TSHZ2: variants seen among roughly 807,000 people sequenced by gnomAD.
The protein encoded by TSHZ2 is teashirt zinc finger homeobox 2.
Under a neutral mutation model 74.4 loss-of-function variants are expected in TSHZ2, and 21 were observed. That is an observed-to-expected ratio of 0.28 (90% CI 0.20 to 0.41). TSHZ2 has a LOEUF of 0.41. Ranked by LOEUF, TSHZ2 falls within the 10% of genes least tolerant of loss-of-function variation. The pLI is 1.00. For missense variants in TSHZ2, 1,244 were observed against 1,293.5 expected (o/e 0.96, Z 0.59); for synonymous variants, 540 against 515.3 (o/e 1.05, Z -0.65).
chr20:53,441,645 C>A (rs888534128), intron 2 of TSHZ2, among the ~76,000 whole-genome samples: 2 of 151,856 alleles, frequency 1.3e-5, no homozygotes, highest in East Asian at 1.9e-4. Flanking sequence ...TGTAGTAGTG[C>A]GATCTCAGCT....
intron 2 of TSHZ2, among the ~76,000 whole-genome samples, chr20:53,320,367 A>G (rs1264034178): frequency 2.0e-5 from 3 of 152,154 alleles, no homozygotes; most frequent in African/African-American, 7.2e-5. Flanking sequence ...TAGAAACACT[A>G]TGTTTCCCAT....
At chr20:53,378,832 G>A (rs1431217077) in intron 2 of TSHZ2, among the ~76,000 whole-genome samples, 1 of 152,084 alleles carries the variant, frequency 6.6e-6, no homozygotes, top group African/African-American at 2.4e-5. Context: ...TTTTTTAAAA[G>A]TCAGTTGATG....
chr20:53,076,255 C>A (rs1289272386), intron 1 of TSHZ2, among the ~76,000 whole-genome samples: 1 of 152,092 alleles, frequency 6.6e-6, no homozygotes, highest in Non-Finnish European at 1.5e-5. Flanking sequence ...TGGATGACAG[C>A]AGAAAGGATG....
chr20:53,347,771 G>A (rs555532456), intron 2 of TSHZ2, among the ~76,000 whole-genome samples: 32 of 152,202 alleles, frequency 2.1e-4, no homozygotes, highest in Non-Finnish European at 3.7e-4. Context: ...CCCAGAATCC[G>A]TTAGCTATTC....
chr20:53,019,548 G>A (rs1053217944), intron 1 of TSHZ2, among the ~76,000 whole-genome samples: 2 of 152,126 alleles, frequency 1.3e-5, no homozygotes, highest in Non-Finnish European at 2.9e-5. Flanking sequence ...AATGTCCAGA[G>A]GTGGTGCCTG....
chr20:53,255,482 C>A lies in TSHZ2; in HGVS notation c.2024C>A (p.Ala675Asp). Reference sequence around the variant, plus strand: ...CCCCAGCCCCTGGAGCCCACATCTGCTCTGAGCAATGGGTGCGCCCTCGCC... The same window carrying A: ...CCCCAGCCCCTGGAGCCCACATCTGATCTGAGCAATGGGTGCGCCCTCGCC... ...EKPQPLEPTS[A>D]LSNGCALANH... Residue 675 changes from alanine (A) to aspartate (D), a missense_variant, in exon 2 of 3, where the codon GCT becomes GAT. By Grantham distance (126) the Ala-to-Asp change is moderately radical (BLOSUM62 -2). Around this residue, in one of 6 missense-constraint regions of TSHZ2, gnomAD observed 562 missense variants for 544.0 expected, o/e 1.03. Transcript: ENST00000371497. This position sits in a 1 kb window ranked among gnomAD's most constrained non-coding sequence, Gnocchi z 4.1. 6.2e-7 allele frequency: 1 copy of A among 1,605,318 alleles called. No homozygotes were observed. Among genetic ancestry groups the A allele is most frequent in the Admixed American group, 1.7e-5 (1 of 58,788 alleles).
chr20:53,040,794 T>TG (rs1984012361), intron 1 of TSHZ2, among the ~76,000 whole-genome samples: 2 of 152,142 alleles, frequency 1.3e-5, no homozygotes, highest in Non-Finnish European at 2.9e-5. Flanking sequence ...GATCCCACAG[T>TG]GGGGCCCAGG....
intron 2 of TSHZ2, among the ~76,000 whole-genome samples, chr20:53,462,092 AAAAG>A (rs1003136196): frequency 6.6e-6 from 1 of 152,006 alleles, no homozygotes; most frequent in East Asian, 1.9e-4. Context: ...AAAAAAGAAA[AAAAG>A]AAAAAAAACT....
At chr20:53,160,186 G>A (rs1987895738) in intron 1 of TSHZ2, among the ~76,000 whole-genome samples, 1 of 152,110 alleles carries the variant, frequency 6.6e-6, no homozygotes, top group Non-Finnish European at 1.5e-5. Context: ...TGGGGAGGCA[G>A]GTATCTCTGA....
At chr20:53,039,584 A>G (rs1983960523) in intron 1 of TSHZ2, among the ~76,000 whole-genome samples, 1 of 152,166 alleles carries the variant, frequency 6.6e-6, no homozygotes, top group African/African-American at 2.4e-5. Flanking sequence ...AAGAGTGAAT[A>G]GTTGGTCAAC....
At chr20:53,211,409 A>G (rs1230329885) in intron 1 of TSHZ2, among the ~76,000 whole-genome samples, 5 of 152,168 alleles carry the variant, frequency 3.3e-5, no homozygotes, top group Non-Finnish European at 7.4e-5. Flanking sequence ...GAAATGTTTT[A>G]CTTTATTTTA....
chr20:53,318,503 T>C (rs1424068264), intron 2 of TSHZ2, among the ~76,000 whole-genome samples: 1 of 152,170 alleles, frequency 6.6e-6, no homozygotes, highest in Non-Finnish European at 1.5e-5. Context: ...AGTGGCAGCA[T>C]ATCACTCCCA....
chr20:53,088,617 T>G (rs932570461), intron 1 of TSHZ2, among the ~76,000 whole-genome samples: 2 of 152,230 alleles, frequency 1.3e-5, no homozygotes, highest in African/African-American at 4.8e-5. Flanking sequence ...TCATATTTTT[T>G]TGAAGAATTC....
intron 1 of TSHZ2, among the ~76,000 whole-genome samples, chr20:53,064,604 A>C (rs1284434751): frequency 6.6e-6 from 1 of 151,936 alleles, no homozygotes; most frequent in Non-Finnish European, 1.5e-5. Flanking sequence ...TGCACCATGC[A>C]CTCCAGCCTG....
chr20:53,366,615 G>C (rs569908580), intron 2 of TSHZ2, among the ~76,000 whole-genome samples: 7 of 152,246 alleles, frequency 4.6e-5, no homozygotes, highest in East Asian at 1.9e-4. Context: ...CCCTTGTAAG[G>C]CTGCTGTAGA....
chr20:53,040,854 T>A (rs1459814744), intron 1 of TSHZ2, among the ~76,000 whole-genome samples: 1 of 152,102 alleles, frequency 6.6e-6, no homozygotes, highest in Non-Finnish European at 1.5e-5. Context: ...CCTCCCCGAG[T>A]TTGACACCCC....
intron 1 of TSHZ2, among the ~76,000 whole-genome samples, chr20:53,102,891 T>C (rs551126268): frequency 4.3e-4 from 65 of 151,176 alleles, no homozygotes; most frequent in Non-Finnish European, 4.4e-5. Context: ...TTATTATACT[T>C]TAAGTTTTAG....
chr20:53,336,754 C>A (rs1021466612), intron 2 of TSHZ2, among the ~76,000 whole-genome samples: 2 of 152,092 alleles, frequency 1.3e-5, no homozygotes, highest in Non-Finnish European at 2.9e-5. Flanking sequence ...GGCACAGGAC[C>A]AGTTGAAGAT....
intron 2 of TSHZ2, among the ~76,000 whole-genome samples, chr20:53,392,224 CAT>C (rs1982282365): frequency 6.6e-6 from 1 of 152,126 alleles, no homozygotes; most frequent in Non-Finnish European, 1.5e-5. Flanking sequence ...GCAGGTGGAT[CAT>C]CTGAAGTTGG....
Sources: allele counts gnomAD v4.1 joint callset (sites outside exome capture counted in the v4.1 genomes callset), GRCh38; gene constraint gnomAD v4.1.1; regional missense constraint gnomAD v4.1.1; non-coding constraint Gnocchi (gnomAD v3.1); transcripts MANE v1.5; gene names NCBI Gene and HGNC (gene_info 2026-07-23, HGNC 2026-07-21).